KSR2: variants seen among roughly 807,000 people sequenced by gnomAD.
KSR2 encodes the protein kinase suppressor of ras 2.
In KSR2, 25 loss-of-function variants were observed where a neutral mutation model predicts 107.8. The observed-to-expected ratio is 0.23, with a 90% confidence interval of 0.17 to 0.32. The LOEUF (loss-of-function observed/expected upper bound fraction) is 0.32, where lower values mean the gene tolerates loss of function less well. Ranked by LOEUF, KSR2 falls within the 10% of genes least tolerant of loss-of-function variation. The probability of loss-of-function intolerance (pLI) is 1.00; values close to 1 mark genes in which losing one functional copy is unlikely to be tolerated. For missense variants in KSR2, 887 were observed against 1,268.9 expected (o/e 0.70, Z 4.57); for synonymous variants, 480 against 507.0 (o/e 0.95, Z 0.71).
At position 117,715,100 on chromosome 12, in the gene KSR2, T is replaced by C. The variant is rs191715328; in HGVS notation, c.986+45911A>G. Among the ~76,000 whole-genome samples, 380 of 152,244 alleles carry C rather than the reference T, an allele frequency of 2.5e-3. 3 individuals carry two copies. Among genetic ancestry groups the C allele is most frequent in the South Asian group, 0.018 (88 of 4,820 alleles). Reference sequence around the variant, plus strand: ...TTGCCCCTGGATACATAAATTCTCATCTAAATTCATGCTCGCATTCACAAT... The same window carrying C: ...TTGCCCCTGGATACATAAATTCTCACCTAAATTCATGCTCGCATTCACAAT... On this transcript the variant is annotated intron_variant, in intron 4 of 19. Coordinates refer to ENST00000339824, the MANE Select transcript of KSR2 (RefSeq NM_173598.6).
At chr12:117,524,161 A>G (rs1285086689) in intron 14 of KSR2, among the ~76,000 whole-genome samples, 1 of 152,198 alleles carries the variant, frequency 6.6e-6, no homozygotes, top group African/African-American at 2.4e-5. Context: ...TGTACAACCC[A>G]CAAAGCTGAA....
chr12:117,565,666 A>T (rs1738591445), intron 7 of KSR2, among the ~76,000 whole-genome samples: 1 of 152,240 alleles, frequency 6.6e-6, no homozygotes, highest in Non-Finnish European at 1.5e-5. Context: ...GAAATGTTTT[A>T]CATATATTTT....
At chr12:117,783,378 G>C (rs908332796) in intron 3 of KSR2, among the ~76,000 whole-genome samples, 1 of 152,114 alleles carries the variant, frequency 6.6e-6, no homozygotes, top group African/African-American at 2.4e-5. Flanking sequence ...ACAGCAATCG[G>C]GTGAGGGCTT....
chr12:117,653,791 G>A (rs940211009), intron 5 of KSR2, among the ~76,000 whole-genome samples: 8 of 152,234 alleles, frequency 5.3e-5, no homozygotes, highest in African/African-American at 1.9e-4. Context: ...TCATTTGGGT[G>A]TGTTACTCCA....
intron 3 of KSR2, among the ~76,000 whole-genome samples, chr12:117,796,212 G>C (rs1890622935): frequency 6.6e-6 from 1 of 152,178 alleles, no homozygotes; most frequent in Non-Finnish European, 1.5e-5. Context: ...ATTAAAGGCG[G>C]AAGCCACCAT....
chr12:117,586,742 C>G (rs896800336), intron 5 of KSR2, among the ~76,000 whole-genome samples: 2 of 152,036 alleles, frequency 1.3e-5, no homozygotes, highest in Non-Finnish European at 2.9e-5. Flanking sequence ...ATATATTATC[C>G]CATTAATACA....
Position 117,623,129 on chromosome 12 carries a change from G to A in KSR2, c.1172-40770C>T, listed in dbSNP as rs1299712063. 2.0e-5 allele frequency among the ~76,000 whole-genome samples: 3 copies of A among 152,204 alleles called. No individual in the cohort carries two copies. In the East Asian group the frequency reaches 5.8e-4, roughly 29 times the overall value. On this transcript the variant is annotated intron_variant, in intron 5 of 19. Coordinates refer to ENST00000339824, the MANE Select transcript of KSR2 (RefSeq NM_173598.6). ...AATTTCATAATGCAAATTTGATAAT[G>A]TGCTTCGCACATGGTAGATACCAAT...
chr12:117,647,116 C>CCAGA (rs1430676125), intron 5 of KSR2, among the ~76,000 whole-genome samples: 4 of 151,974 alleles, frequency 2.6e-5, no homozygotes, highest in Non-Finnish European at 4.4e-5. Context: ...ACTGGATGAT[C>CCAGA]CAGACAGACA....
Position 117,897,977 on chromosome 12 carries a change from C to A in KSR2, c.181-37546G>T, listed in dbSNP as rs1275890814. Among the ~76,000 whole-genome samples, 1 of 152,072 alleles carries A rather than the reference C, an allele frequency of 6.6e-6. No homozygotes were observed. Among genetic ancestry groups the A allele is most frequent in the African/African-American group, 2.4e-5 (1 of 41,386 alleles). On this transcript the variant is annotated intron_variant, in intron 1 of 19. Coordinates refer to ENST00000339824, the MANE Select transcript of KSR2 (RefSeq NM_173598.6). The surrounding 1 kb of genome is among the most constrained non-coding windows in gnomAD (Gnocchi z 4.5). The stretch of plus-strand genomic sequence containing the variant: ...TACACACACACAGTCATATGGTATA[C>A]TCTATCAGCAACCTAACACCACTCC...
At chr12:117,497,293 G>T (rs1303066589) in intron 14 of KSR2, among the ~76,000 whole-genome samples, 1 of 152,130 alleles carries the variant, frequency 6.6e-6, no homozygotes, top group African/African-American at 2.4e-5. Flanking sequence ...TAAAATAATT[G>T]CAAGTTATAA....
chr12:117,787,725 CAAG>C (rs1890128309), intron 3 of KSR2, among the ~76,000 whole-genome samples: 1 of 152,124 alleles, frequency 6.6e-6, no homozygotes, highest in South Asian at 2.1e-4. Flanking sequence ...TGGCTAGGCA[CAAG>C]AAGGAGCTTT....
chr12:117,576,627 A>G (rs887590658), intron 7 of KSR2, among the ~76,000 whole-genome samples: 4 of 144,818 alleles, frequency 2.8e-5, no homozygotes, highest in Admixed American at 2.1e-4. Flanking sequence ...CCTCCCAAGT[A>G]TCTAGGACCA....
intron 4 of KSR2, among the ~76,000 whole-genome samples, chr12:117,671,793 C>T (rs954533369): frequency 6.6e-6 from 1 of 150,816 alleles, no homozygotes; most frequent in African/African-American, 2.4e-5. Flanking sequence ...GCTCCTCCCA[C>T]CCACCTCCCC....
At chr12:117,745,469 A>G (rs1888374625) in intron 4 of KSR2, among the ~76,000 whole-genome samples, 1 of 152,188 alleles carries the variant, frequency 6.6e-6, no homozygotes, top group African/African-American at 2.4e-5. Flanking sequence ...TATCTAAAAT[A>G]TATAAGGAAT....
intron 16 of KSR2, among the ~76,000 whole-genome samples, chr12:117,483,530 G>C (rs1188973959): frequency 6.6e-6 from 1 of 152,018 alleles, no homozygotes; most frequent in African/African-American, 2.4e-5. Flanking sequence ...TAAAATGAGA[G>C]AGAGAGAGAG....
At chr12:117,571,164 G>C (rs57755445) in intron 7 of KSR2, among the ~76,000 whole-genome samples, 4,415 of 152,146 alleles carry the variant, frequency 0.029, 208 homozygotes, top group African/African-American at 0.1. Context: ...AGGCGGAGGC[G>C]GGAGAATTGC....
chr12:117,843,033 A>G (rs1300799747), intron 3 of KSR2, among the ~76,000 whole-genome samples: 2 of 152,138 alleles, frequency 1.3e-5, no homozygotes, highest in East Asian at 3.9e-4. Flanking sequence ...TAAAAACAAT[A>G]AAAATAATCA....
intron 5 of KSR2, among the ~76,000 whole-genome samples, chr12:117,600,978 C>T (rs969508813): frequency 6.6e-6 from 1 of 152,126 alleles, no homozygotes; most frequent in Non-Finnish European, 1.5e-5. Context: ...GAGTCTTTTG[C>T]CCCCTCTAAG....
At position 117,625,555 on chromosome 12, in the gene KSR2, A is replaced by G. The variant is rs565989544; in HGVS notation, c.1171+41919T>C. Among the ~76,000 whole-genome samples the G allele has an allele frequency of 3.3e-5, 5 of 152,298 alleles. No individual in the cohort carries two copies. In the East Asian group the frequency reaches 9.6e-4, roughly 29 times the overall value. The stretch of plus-strand genomic sequence containing the variant: ...GCCTCACATCTCCGGGATGAAGCCG[A>G]CTTAATCGTGGTGGACAAGCTTTTT... On this transcript the variant is annotated intron_variant, in intron 5 of 19. Coordinates refer to ENST00000339824, the MANE Select transcript of KSR2 (RefSeq NM_173598.6).
Sources: allele counts gnomAD v4.1 joint callset (sites outside exome capture counted in the v4.1 genomes callset), GRCh38; gene constraint gnomAD v4.1.1; non-coding constraint Gnocchi (gnomAD v3.1); transcripts MANE v1.5; gene names NCBI Gene and HGNC (gene_info 2026-07-23, HGNC 2026-07-21).